The following MAST4 variants were observed in gnomAD, a reference collection of about 807,000 sequenced individuals.
The protein encoded by MAST4 is microtubule associated serine/threonine kinase family member 4, also known as microtubule-associated serine/threonine-protein kinase 4.
MAST4 carries 89 observed loss-of-function variants against 162.7 expected under a neutral mutation model. The observed-to-expected ratio is 0.55, with a 90% CI of 0.46 to 0.65. The LOEUF is 0.65. Ranked by LOEUF, MAST4 falls within the 30% of genes least tolerant of loss-of-function variation. The probability of loss-of-function intolerance (pLI) is 0.00; values close to 1 mark genes in which losing one functional copy is unlikely to be tolerated. For missense variants in MAST4, 3,153 were observed against 3,374.0 expected (o/e 0.93, Z 1.62); for synonymous variants, 1,479 against 1,361.1 (o/e 1.09, Z -1.91).
chr5:67,060,207 C>T lies in MAST4; in HGVS notation c.763+5715C>T, dbSNP rs77933404. On this transcript the variant is annotated intron_variant, in intron 5 of 28. Coordinates refer to ENST00000403625, the MANE Select transcript of MAST4 (RefSeq NM_001164664.2). ...ATACATGAGAATTGTTTGCAACTTGCTCACCTTGCGCTTCAGCTATATCAG... is the reference window on the plus strand; with the variant it reads ...ATACATGAGAATTGTTTGCAACTTGTTCACCTTGCGCTTCAGCTATATCAG... Among the ~76,000 whole-genome samples, 79 of 152,272 alleles carry T rather than the reference C, an allele frequency of 5.2e-4. 4 individuals carry two copies. The highest frequency in any genetic ancestry group is 1.8e-3 in the African/African-American group (73 of 41,550).
intron 24 of MAST4, among the ~76,000 whole-genome samples, chr5:67,151,476 G>A (rs570241508): frequency 3.3e-5 from 5 of 152,232 alleles, no homozygotes; most frequent in African/African-American, 1.2e-4. Flanking sequence ...ATTACCTTGG[G>A]GGTTAGTTTT....
Position 66,648,077 on chromosome 5 carries a change from T to A in MAST4, c.363+51059T>A, listed in dbSNP as rs1209365999. ...GTGTGTGTGTGTGTGTGTGTGTGTG[T>A]GTGTGTGAGAGAGAGAGAGAGAGAG... On this transcript the variant is annotated intron_variant, in intron 1 of 28. Coordinates refer to ENST00000403625, the MANE Select transcript of MAST4 (RefSeq NM_001164664.2). Among the ~76,000 whole-genome samples, 927 of 98,784 alleles carry A rather than the reference T, an allele frequency of 9.4e-3. 6 individuals carry two copies. The highest frequency in any genetic ancestry group is 0.038 in the African/African-American group (799 of 21,178). The allele number at this position is 98,784 out of a possible 152,430, so 64.8% of individuals were successfully genotyped here.
chr5:66,994,615 T>TGACA (rs1211629412), intron 4 of MAST4, among the ~76,000 whole-genome samples: 25 of 152,348 alleles, frequency 1.6e-4, no homozygotes, highest in Admixed American at 5.2e-4. Flanking sequence ...ATAACATGTA[T>TGACA]GACAGTACAT....
chr5:66,866,670 T>G (rs956577113), intron 3 of MAST4, among the ~76,000 whole-genome samples: 2 of 152,238 alleles, frequency 1.3e-5, no homozygotes, highest in Admixed American at 6.5e-5. Flanking sequence ...ATAAACTATC[T>G]CAGAGGTGAG....
chr5:66,766,427 T>C (rs1432369598), intron 2 of MAST4, among the ~76,000 whole-genome samples: 2 of 152,226 alleles, frequency 1.3e-5, no homozygotes, highest in African/African-American at 4.8e-5. Context: ...ACGTTCTATC[T>C]TGGGAAGAAA....
At chr5:66,683,744 G>A (rs770324657) in intron 1 of MAST4, among the ~76,000 whole-genome samples, 1 of 152,150 alleles carries the variant, frequency 6.6e-6, no homozygotes, top group Non-Finnish European at 1.5e-5. Context: ...TTTGCCCCAG[G>A]ATAAGTAAGT....
At chr5:67,037,412 C>T (rs1648350278) in intron 4 of MAST4, among the ~76,000 whole-genome samples, 2 of 152,070 alleles carry the variant, frequency 1.3e-5, no homozygotes, top group African/African-American at 4.8e-5. Flanking sequence ...TGGTGTGACT[C>T]AGACAGAACT....
At chr5:66,860,768 A>G (rs1760049864) in intron 3 of MAST4, among the ~76,000 whole-genome samples, 1 of 97,052 alleles carries the variant, frequency 1.0e-5, no homozygotes, top group Non-Finnish European at 2.2e-5. Flanking sequence ...AAAAAACAAA[A>G]CCAAAAAAAA....
intron 1 of MAST4, among the ~76,000 whole-genome samples, chr5:66,697,316 A>T (rs1419368399): frequency 6.6e-6 from 1 of 152,218 alleles, no homozygotes; most frequent in African/African-American, 2.4e-5. Context: ...TGACCGATGT[A>T]CGATGTTTCA....
chr5:66,798,720 A>C (rs535077206), intron 3 of MAST4, among the ~76,000 whole-genome samples: 1 of 152,180 alleles, frequency 6.6e-6, no homozygotes, highest in Non-Finnish European at 1.5e-5. Flanking sequence ...CATTCTTTTC[A>C]TAAGAATTAA....
At chr5:66,916,305 A>G (rs372476355) in intron 4 of MAST4, among the ~76,000 whole-genome samples, 5 of 152,202 alleles carry the variant, frequency 3.3e-5, no homozygotes, top group African/African-American at 9.6e-5. Context: ...CCCAAACTAC[A>G]TGGCTGATAC....
At chr5:67,088,100 C>T (rs1034046239) in intron 5 of MAST4, among the ~76,000 whole-genome samples, 6 of 152,170 alleles carry the variant, frequency 3.9e-5, no homozygotes, top group African/African-American at 1.4e-4. Flanking sequence ...GCATGGGGAC[C>T]ATTCACTAAT....
At chr5:67,118,168 T>A (rs1767141174) in intron 12 of MAST4, among the ~76,000 whole-genome samples, 1 of 152,174 alleles carries the variant, frequency 6.6e-6, no homozygotes, top group Admixed American at 6.5e-5. Flanking sequence ...TCCAAATCCC[T>A]CTTAACCACC....
intron 1 of MAST4, among the ~76,000 whole-genome samples, chr5:66,715,497 A>G (rs546383802): frequency 1.7e-5 from 2 of 116,650 alleles, no homozygotes; most frequent in East Asian, 5.4e-4. Flanking sequence ...ATACCAAAAA[A>G]TGGAGTGGAC....
intron 4 of MAST4, among the ~76,000 whole-genome samples, chr5:66,939,179 A>G (rs1743097541): frequency 6.6e-6 from 1 of 152,174 alleles, no homozygotes; most frequent in African/African-American, 2.4e-5. Context: ...CAGAGAATTG[A>G]AATTTGTGAA....
At chr5:66,716,313 T>G (rs1368844250) in intron 1 of MAST4, among the ~76,000 whole-genome samples, 1 of 152,052 alleles carries the variant, frequency 6.6e-6, no homozygotes, top group Non-Finnish European at 1.5e-5. Flanking sequence ...GGATGAACAA[T>G]TTTAGATTTG....
At chr5:66,607,207 A>G (rs1198172203) in intron 1 of MAST4, among the ~76,000 whole-genome samples, 1 of 152,196 alleles carries the variant, frequency 6.6e-6, no homozygotes, top group African/African-American at 2.4e-5. Context: ...GTGGCACACA[A>G]TGATCAATTG....
intron 5 of MAST4, among the ~76,000 whole-genome samples, chr5:67,066,496 A>T (rs1260533354): frequency 2.6e-5 from 4 of 151,486 alleles, no homozygotes; most frequent in African/African-American, 7.3e-5. Context: ...TGTCTATATC[A>T]TTTTCTTTTA....
chr5:66,765,844 T>A (rs1028081262), intron 2 of MAST4, among the ~76,000 whole-genome samples: 1 of 151,778 alleles, frequency 6.6e-6, no homozygotes, highest in Non-Finnish European at 1.5e-5. Context: ...GACGAGAAAA[T>A]AACCAGTGCC....
Sources: allele counts gnomAD v4.1 joint callset (sites outside exome capture counted in the v4.1 genomes callset), GRCh38; gene constraint gnomAD v4.1.1; transcripts MANE v1.5; gene names NCBI Gene and HGNC (gene_info 2026-07-23, HGNC 2026-07-21).